The following LGSN variants were observed in gnomAD, a reference collection of about 807,000 sequenced individuals.
LGSN encodes lengsin, lens protein with glutamine synthetase domain, also known as lengsin.
In LGSN, 21 loss-of-function variants were observed where a neutral mutation model predicts 19.5. The ratio of observed to expected loss-of-function variants is 1.07; its 90% CI spans 0.76 to 1.55. LGSN has a LOEUF of 1.55. Among genes scored for constraint, LGSN ranks in the 40% most tolerant of loss-of-function variants. The pLI is 0.00. For missense variants in LGSN, 673 were observed against 608.5 expected, an observed-to-expected ratio of 1.11 and a Z score of -1.12; for synonymous variants, 257 against 215.6, an observed-to-expected ratio of 1.19 and a Z score of -1.68.
the LGSN span, among the ~76,000 whole-genome samples, chr6:63,370,439 G>A: frequency 2.8e-4 from 43 of 152,358 alleles, no homozygotes; most frequent in African/African-American, 1.0e-3. Context: ...CGGTCATGCA[G>A]ATTCCCACAC....
At chr6:63,455,373 C>A in the LGSN span, among the ~76,000 whole-genome samples, 1 of 152,342 alleles carries the variant, frequency 6.6e-6, no homozygotes, top group East Asian at 1.9e-4. Context: ...ATACAAAGAA[C>A]AATGCATAGC....
chr6:63,544,331 A>G, the LGSN span, among the ~76,000 whole-genome samples: 2 of 152,196 alleles, frequency 1.3e-5, no homozygotes, highest in Non-Finnish European at 2.9e-5. Flanking sequence ...ACCTATGTAT[A>G]TACATTATTT....
At chr6:63,317,454 G>A (rs757222197) in intron 1 of LGSN, among the ~76,000 whole-genome samples, 2 of 152,144 alleles carry the variant, frequency 1.3e-5, no homozygotes, top group Non-Finnish European at 2.9e-5. Flanking sequence ...TCTAATTTTT[G>A]TCTTGTCTCT....
intron 1 of LGSN, among the ~76,000 whole-genome samples, chr6:63,296,776 T>C (rs893389925): frequency 2.0e-5 from 3 of 152,128 alleles, no homozygotes; most frequent in Non-Finnish European, 4.4e-5. Flanking sequence ...TGGTACCCCT[T>C]AAGTTAATAA....
At chr6:63,572,957 G>T in the LGSN span, among the ~76,000 whole-genome samples, 3 of 152,250 alleles carry the variant, frequency 2.0e-5, 1 homozygote, top group South Asian at 4.1e-4. Flanking sequence ...GCCGCCGGAG[G>T]CACCGGCTTT....
the LGSN span, among the ~76,000 whole-genome samples, chr6:63,551,857 A>G: frequency 6.6e-6 from 1 of 152,108 alleles, no homozygotes; most frequent in African/African-American, 2.4e-5. Context: ...CCACGTCCCT[A>G]CAAAGGACAT....
At chr6:63,494,974 T>C in the LGSN span, among the ~76,000 whole-genome samples, 2 of 152,220 alleles carry the variant, frequency 1.3e-5, no homozygotes, top group Admixed American at 6.5e-5. Context: ...CTTACTTTAG[T>C]AAATATTAAA....
chr6:63,327,375 G>A, the LGSN span, among the ~76,000 whole-genome samples: 15 of 152,298 alleles, frequency 9.8e-5, no homozygotes, highest in East Asian at 2.7e-3. Flanking sequence ...AACTCCAGAG[G>A]TTGGTATAAG....
rs546175434 is a variant in LGSN at position 63,276,623 on chromosome 6, G to T, written c.*3398C>A. The T allele has an allele frequency of 6.6e-6, 1 of 152,040 alleles. No individual in the cohort carries two copies. Among genetic ancestry groups the T allele is most frequent in the Non-Finnish European group, 1.5e-5 (1 of 68,024 alleles). 9.4% of individuals were successfully genotyped at this position (152,040 alleles called of 1,614,324 possible). A position where few individuals can be genotyped will look rare whatever the true frequency, so the allele number is the denominator to read the frequency against. On this transcript the variant is annotated 3_prime_UTR_variant, in exon 4 of 4. Transcript: ENST00000370657. ...TCCAAATAGCTTTTTTCAGCATTAG[G>T]TCTACAAAAAAAATTATTTATGTTC...
chr6:63,292,004 T>G (rs981119293), intron 2 of LGSN, among the ~76,000 whole-genome samples: 2 of 152,158 alleles, frequency 1.3e-5, no homozygotes, highest in South Asian at 2.1e-4. Flanking sequence ...TGAGAAGGAT[T>G]TGAGGCATTG....
the LGSN span, among the ~76,000 whole-genome samples, chr6:63,501,939 G>T: frequency 6.6e-6 from 1 of 152,096 alleles, no homozygotes. Flanking sequence ...GGGACTATAG[G>T]CACACACCAC....
the LGSN span, among the ~76,000 whole-genome samples, chr6:63,345,266 T>A: frequency 6.6e-6 from 1 of 152,318 alleles, no homozygotes; most frequent in Admixed American, 6.5e-5. Flanking sequence ...TAAGGTGGTT[T>A]CTTTTTTATT....
the LGSN span, among the ~76,000 whole-genome samples, chr6:63,482,264 A>C: frequency 6.6e-6 from 1 of 152,166 alleles, no homozygotes; most frequent in African/African-American, 2.4e-5. Context: ...TCTTCCCAAC[A>C]CCTAGATCAT....
the LGSN span, among the ~76,000 whole-genome samples, chr6:63,485,325 T>G: frequency 1.3e-5 from 2 of 152,204 alleles, no homozygotes; most frequent in African/African-American, 4.8e-5. Context: ...CTAAGGATAA[T>G]GGCCTCTAGC....
chr6:63,501,860 G>A, the LGSN span, among the ~76,000 whole-genome samples: 1 of 152,240 alleles, frequency 6.6e-6, no homozygotes, highest in Admixed American at 6.5e-5. Flanking sequence ...GCAGTGGCAC[G>A]ATCACAGGTA....
the LGSN span, among the ~76,000 whole-genome samples, chr6:63,533,780 A>AT: frequency 3.9e-5 from 6 of 152,042 alleles, no homozygotes; most frequent in Non-Finnish European, 7.4e-5. Flanking sequence ...TATACTTAGG[A>AT]TTTTTTTTAA....
chr6:63,433,172 G>A, the LGSN span, among the ~76,000 whole-genome samples: 4 of 151,738 alleles, frequency 2.6e-5, no homozygotes, highest in Non-Finnish European at 4.4e-5. Flanking sequence ...AAAGTTGGGG[G>A]GGTGGTAAAT....
the LGSN span, among the ~76,000 whole-genome samples, chr6:63,555,859 A>G: frequency 6.6e-6 from 1 of 151,884 alleles, no homozygotes; most frequent in Admixed American, 6.6e-5. Context: ...ATACCCAGCT[A>G]ATTTTTGCAT....
Position 63,317,739 on chromosome 6 carries a change from G to A in LGSN, c.30+2175C>T, listed in dbSNP as rs546713900. 7.6e-4 allele frequency among the ~76,000 whole-genome samples: 115 copies of A among 152,266 alleles called. 3 individuals carry two copies. In the South Asian group the frequency reaches 0.023, roughly 30 times the overall value. On this transcript the variant is annotated intron_variant, in intron 1 of 3. Transcript: ENST00000370657. ...GTCAGGTAGAGCCTCCCATGGGGCT[G>A]CACTTCATGCCCCCAACAGATACAG...
Sources: gnomAD v4.1 joint callset for allele counts (sites outside exome capture counted in the v4.1 genomes callset) on GRCh38, gnomAD v4.1.1 for gene constraint, MANE v1.5 for transcripts, NCBI Gene and HGNC (gene_info 2026-07-23, HGNC 2026-07-21) for gene names.